BTNL3: variants seen among roughly 807,000 people sequenced by gnomAD.
BTNL3 encodes butyrophilin like 3.
In BTNL3, 20 loss-of-function variants were observed where a neutral mutation model predicts 40.1. The ratio of observed to expected loss-of-function variants is 0.50; its 90% CI spans 0.35 to 0.72. BTNL3 has a LOEUF of 0.72. BTNL3 is among the 30% of genes least tolerant of loss of function. The pLI, the probability that BTNL3 is intolerant of heterozygous loss-of-function variation, is 0.01. For missense variants in BTNL3, 449 were observed against 582.2 expected (o/e 0.77, Z 2.35); for synonymous variants, 179 against 222.1 (o/e 0.81, Z 1.73).
At position 181,000,871 on chromosome 5, in the gene BTNL3, G is replaced by C. The variant is rs1419961542; in HGVS notation, c.674-1801G>C. Among the ~76,000 whole-genome samples the C allele has an allele frequency of 1.5e-5, 2 of 135,368 alleles. 1 individual carries two copies. The highest frequency in any genetic ancestry group is 5.0e-5 in the African/African-American group (2 of 39,698). 88.8% of individuals were successfully genotyped at this position (135,368 alleles called of 152,430 possible). A position where few individuals can be genotyped will look rare whatever the true frequency, so the allele number is the denominator to read the frequency against. On this transcript the variant is annotated intron_variant, in intron 3 of 7. Coordinates refer to ENST00000342868, the MANE Select transcript of BTNL3 (RefSeq NM_197975.3). ...AAAATAAAATAAAATCATAACATAA[G>C]GAGATTGCATTAAACACTTCTGTTC...
rs367680229 is a variant in BTNL3, at chr5:181,001,054, C to A, written c.674-1618C>A. Reference sequence around the variant, plus strand: ...ATTTAGAAAAATTTACAGACAAATTCTTTCAACTCATAAAGGAATCCATCG... The same window carrying A: ...ATTTAGAAAAATTTACAGACAAATTATTTCAACTCATAAAGGAATCCATCG... On this transcript the variant is annotated intron_variant, in intron 3 of 7. Coordinates refer to ENST00000342868, the MANE Select transcript of BTNL3 (RefSeq NM_197975.3). Among the ~76,000 whole-genome samples the A allele has an allele frequency of 1.5e-5, 2 of 135,428 alleles. 1 individual carries two copies. Among genetic ancestry groups the A allele is most frequent in the Non-Finnish European group, 3.4e-5 (2 of 59,422 alleles). The allele number at this position is 135,428 out of a possible 152,430, so 88.8% of individuals were successfully genotyped here. A position where few individuals can be genotyped will look rare whatever the true frequency, so the allele number is the denominator to read the frequency against.
rs945893545 is a variant in BTNL3 at position 181,001,612 on chromosome 5, G to A, written c.674-1060G>A. Among the ~76,000 whole-genome samples the A allele has an allele frequency of 1.5e-4, 20 of 134,116 alleles. 1 individual carries two copies. The highest frequency in any genetic ancestry group is 4.9e-4 in the African/African-American group (19 of 39,146). 88.0% of individuals were successfully genotyped at this position (134,116 alleles called of 152,430 possible). Reference sequence around the variant, plus strand: ...TGTAATCCCAGCACTTTGGGAGGCCGAGACGGGAGGATCACGAGGTTAGGA... The same window carrying A: ...TGTAATCCCAGCACTTTGGGAGGCCAAGACGGGAGGATCACGAGGTTAGGA... On this transcript the variant is annotated intron_variant, in intron 3 of 7. Coordinates refer to ENST00000342868, the MANE Select transcript of BTNL3 (RefSeq NM_197975.3).
chr5:181,006,326 T>C lies in BTNL3; in HGVS notation c.*454T>C. 3.7e-6 allele frequency: 1 copy of C among 272,820 alleles called. No individual in the cohort carries two copies. The highest frequency in any genetic ancestry group is 6.8e-6 in the Non-Finnish European group (1 of 147,740). The allele number at this position is 272,820 out of a possible 1,614,324, so 16.9% of individuals were successfully genotyped here. ...GTTTGCTAATGATGTGTTTTTATATTATACATTTTCCCACCATAAACTCTG... is the reference window on the plus strand; with the variant it reads ...GTTTGCTAATGATGTGTTTTTATATCATACATTTTCCCACCATAAACTCTG... On this transcript the variant is annotated 3_prime_UTR_variant, in exon 8 of 8. Coordinates refer to ENST00000342868, the MANE Select transcript of BTNL3 (RefSeq NM_197975.3).
rs555224699 is a variant in BTNL3, at chr5:181,005,404, T to G, written c.933T>G (p.His311Gln). ...TTTCTGATCTGAAAACTGTAACCCA[T>G]AGAAAAGCTCCCCAGGAGGTGCCTC... ...LCVSDLKTVT[H>Q]RKAPQEVPHS... The change falls in exon 8 of 8, where the codon CAT (histidine) becomes CAG (glutamine). Residue 311 changes from histidine to glutamine, a missense_variant. This residue lies in a region of BTNL3 where 323 missense variants were observed against 464.9 expected (regional missense o/e 0.69). Transcript: ENST00000342868. 4.1e-5 allele frequency: 66 copies of G among 1,613,762 alleles called. No homozygotes were observed. In the African/African-American group the frequency reaches 7.7e-4, roughly 19 times the overall value.
Position 180,993,101 on chromosome 5 carries a change from G to C in BTNL3, c.338G>C (p.Gly113Ala). 6.9e-7 allele frequency: 1 copy of C among 1,451,616 alleles called. No homozygotes were observed. Among genetic ancestry groups the C allele is most frequent in the Non-Finnish European group, 9.5e-7 (1 of 1,052,510 alleles). 89.9% of individuals were successfully genotyped at this position (1,451,616 alleles called of 1,614,324 possible). The change falls in exon 2 of 8, where the codon GGG (glycine) becomes GCG (alanine). Residue 113 changes from glycine to alanine, a missense_variant. Around this residue, in one of 2 missense-constraint regions of BTNL3, gnomAD observed 323 missense variants for 464.9 expected, o/e 0.69. Transcript: ENST00000342868. The part of the protein sequence containing the change: ...NITPSDIGLY[G>A]CWFSSQIYDE... ...ACTCCCTCGGACATCGGCCTGTATG[G>C]GTGCTGGTTCAGTTCCCAGATTTAC...
chr5:181,005,006 G>T (rs978369400), intron 7 of BTNL3, among the ~76,000 whole-genome samples: 3 of 152,108 alleles, frequency 2.0e-5, no homozygotes, highest in Non-Finnish European at 4.4e-5. Context: ...GCTTCTAGGG[G>T]TCTGTGCAAA....
intron 6 of BTNL3, 86 bp downstream of exon 6, chr5:181,004,529 T>A: frequency 2.1e-6 from 2 of 931,948 alleles, no homozygotes; most frequent in Non-Finnish European, 1.6e-6. Flanking sequence ...GGCCCGTGGG[T>A]CCCTGCAGAG....
In BTNL3 at chr5:180,989,271, A is replaced by C. The variant is rs928629704; in HGVS notation, c.49+194A>C. On this transcript the variant is annotated intron_variant, in intron 1 of 7. Transcript: ENST00000342868. ...CACAGGGCAGCAGGAATTGAGGAAG[A>C]CTCCTTGGGCTGTTTCTCAAGGACT... 2.2e-5 allele frequency among the ~76,000 whole-genome samples: 3 copies of C among 136,088 alleles called. 1 individual carries two copies. The highest frequency in any genetic ancestry group is 1.6e-4 in the Admixed American group (2 of 12,860). 89.3% of individuals were successfully genotyped at this position (136,088 alleles called of 152,430 possible).
At chr5:180,992,099 T>C (rs2113075305) in intron 1 of BTNL3, among the ~76,000 whole-genome samples, 1 of 137,086 alleles carries the variant, frequency 7.3e-6, no homozygotes, top group Non-Finnish European at 1.7e-5. Flanking sequence ...ATAAAATTAT[T>C]ACCTGGAGTA....
intron 2 of BTNL3, among the ~76,000 whole-genome samples, chr5:180,994,702 A>G (rs963583048): frequency 3.0e-5 from 4 of 134,636 alleles, no homozygotes; most frequent in African/African-American, 1.0e-4. Context: ...GTCCTTGAGG[A>G]TCTGTTTTTC....
intron 3 of BTNL3, among the ~76,000 whole-genome samples, chr5:180,998,834 A>C (rs544937560): frequency 1.4e-5 from 2 of 137,996 alleles, no homozygotes; most frequent in African/African-American, 5.0e-5. Context: ...TTCTGAGTCA[A>C]AATTTTATCT....
chr5:180,993,527 A>G lies in BTNL3; in HGVS notation c.397+367A>G, dbSNP rs1242087848. ...AAACTTTTTTTAGGATTCCATCACA[A>G]CTTATTGTTAGTCTTTTTTTAGTAT... On this transcript the variant is annotated intron_variant, in intron 2 of 7. Transcript: ENST00000342868. 4.4e-5 allele frequency among the ~76,000 whole-genome samples: 6 copies of G among 136,726 alleles called. 2 individuals carry two copies. Among genetic ancestry groups the G allele is most frequent in the Non-Finnish European group, 1.0e-4 (6 of 59,742 alleles). 89.7% of individuals were successfully genotyped at this position (136,726 alleles called of 152,430 possible).
chr5:180,993,115 T>C lies in BTNL3; in HGVS notation c.352T>C (p.Ser118Pro). ...DIGLYGCWFS[S>P]QIYDEEATWE... ...CGGCCTGTATGGGTGCTGGTTCAGTTCCCAGATTTACGATGAGGAGGCCAC... is the reference window on the plus strand; with the variant it reads ...CGGCCTGTATGGGTGCTGGTTCAGTCCCCAGATTTACGATGAGGAGGCCAC... Residue 118 changes from serine to proline, a missense_variant, in exon 2 of 8, where the codon TCC becomes CCC. Transcript: ENST00000342868. 6.9e-7 allele frequency: 1 copy of C among 1,449,176 alleles called. No individual in the cohort carries two copies. Among genetic ancestry groups the C allele is most frequent in the South Asian group, 1.1e-5 (1 of 87,632 alleles). 89.8% of individuals were successfully genotyped at this position (1,449,176 alleles called of 1,614,324 possible). A position where few individuals can be genotyped will look rare whatever the true frequency, so the allele number is the denominator to read the frequency against.
At chr5:181,004,815 G>A in intron 7 of BTNL3, 53 bp downstream of exon 7, 1 of 1,614,046 alleles carries the variant, frequency 6.2e-7, no homozygotes, top group South Asian at 1.1e-5. Context: ...GATGACCAGT[G>A]ACAGATATGG....
In BTNL3 at chr5:180,990,257, TC is replaced by T. The variant is rs1359954121; in HGVS notation, c.49+1181del. ...ACCCATTTTCTGACAAGCCTTTCTG[TC>T]TGCTTTCTGTTTCTGCATGAGGCAG... On this transcript the variant is annotated intron_variant, in intron 1 of 7. Coordinates refer to ENST00000342868, the MANE Select transcript of BTNL3 (RefSeq NM_197975.3). Among the ~76,000 whole-genome samples, 2 of 137,916 alleles carry T rather than the reference TC, an allele frequency of 1.5e-5. 1 individual carries two copies. The highest frequency in any genetic ancestry group is 1.5e-4 in the Admixed American group (2 of 13,140). 90.5% of individuals were successfully genotyped at this position (137,916 alleles called of 152,430 possible).
In BTNL3 at chr5:180,997,324, C is replaced by T. The variant is rs909023655; in HGVS notation, c.509C>T (p.Pro170Leu). The change falls in exon 3 of 8, where the codon CCA (proline) becomes CTA (leucine). Residue 170 changes from proline to leucine, a missense_variant. By Grantham distance (98) the Pro-to-Leu change is moderately conservative (BLOSUM62 -3). This residue lies in a region of BTNL3 where 323 missense variants were observed against 464.9 expected (regional missense o/e 0.69). Transcript: ENST00000342868. ...FPQPTAKWKG[P>L]QGQDLSSDSR... ...CAGCCCACAGCCAAGTGGAAAGGTC[C>T]ACAAGGACAGGATTTGTCTTCAGAC... The T allele has an allele frequency of 6.8e-7, 1 of 1,464,518 alleles. No individual in the cohort carries two copies. Among genetic ancestry groups the T allele is most frequent in the Non-Finnish European group, 9.4e-7 (1 of 1,059,460 alleles). The allele number at this position is 1,464,518 out of a possible 1,614,324, so 90.7% of individuals were successfully genotyped here. A position where few individuals can be genotyped will look rare whatever the true frequency, so the allele number is the denominator to read the frequency against.
At chr5:180,989,123 T>C in intron 1 of BTNL3, 46 bp downstream of exon 1, 1 of 1,403,932 alleles carries the variant, frequency 7.1e-7, no homozygotes. Context: ...TGTTGAATAA[T>C]ATTTTGAGTT....
rs947017481 is a variant in BTNL3, at chr5:181,000,619, A to G, written c.674-2053A>G. Among the ~76,000 whole-genome samples, 34 of 132,572 alleles carry G rather than the reference A, an allele frequency of 2.6e-4. 1 individual carries two copies. The highest frequency in any genetic ancestry group is 8.7e-4 in the African/African-American group (34 of 39,096). The allele number at this position is 132,572 out of a possible 152,430, so 87.0% of individuals were successfully genotyped here. On this transcript the variant is annotated intron_variant, in intron 3 of 7. Transcript: ENST00000342868. ...CAGGAGATCGAGACCATCCTGGCTA[A>G]CAAGGTGAAACCCCGTCTCTACTAA...
rs1582086601 is a variant in BTNL3, at chr5:180,993,836, C to T, written c.397+676C>T. Among the ~76,000 whole-genome samples, 3 of 136,134 alleles carry T rather than the reference C, an allele frequency of 2.2e-5. 1 individual carries two copies. The highest frequency in any genetic ancestry group is 1.6e-4 in the Admixed American group (2 of 12,854). 89.3% of individuals were successfully genotyped at this position (136,134 alleles called of 152,430 possible). On this transcript the variant is annotated intron_variant, in intron 2 of 7. Coordinates refer to ENST00000342868, the MANE Select transcript of BTNL3 (RefSeq NM_197975.3). ...ATTTTTCTTTGAGACAGTCTTGTCCCGTCACCCAGGCTGGAGTGCAGTGGT... is the reference window on the plus strand; with the variant it reads ...ATTTTTCTTTGAGACAGTCTTGTCCTGTCACCCAGGCTGGAGTGCAGTGGT...
Sources: allele counts gnomAD v4.1 joint callset (sites outside exome capture counted in the v4.1 genomes callset), GRCh38; gene constraint gnomAD v4.1.1; regional missense constraint gnomAD v4.1.1; transcripts MANE v1.5; gene names NCBI Gene and HGNC (gene_info 2026-07-23, HGNC 2026-07-21).